Variants in RIMS1 observed in about 807,000 individuals in gnomAD.
RIMS1 encodes the protein regulating synaptic membrane exocytosis 1.
In RIMS1, 83 loss-of-function variants were observed where a neutral mutation model predicts 214.1. That is an observed-to-expected ratio of 0.39 (90% CI 0.32 to 0.47). The LOEUF (loss-of-function observed/expected upper bound fraction) is 0.47. Ranked by LOEUF, RIMS1 falls within the 20% of genes least tolerant of loss-of-function variation. The pLI is 0.99. For missense variants in RIMS1, 2,050 were observed against 2,161.8 expected, an observed-to-expected ratio of 0.95 and a Z score of 1.03; for synonymous variants, 793 against 786.8, an observed-to-expected ratio of 1.01 and a Z score of -0.13.
chr6:72,282,593 CA>C (rs1485121828), intron 23 of RIMS1, among the ~76,000 whole-genome samples: 1 of 152,102 alleles, frequency 6.6e-6, no homozygotes, highest in Non-Finnish European at 1.5e-5. Context: ...TAGTATAGAA[CA>C]GAAACAGCTT....
chr6:71,959,519 A>G (rs767229996), intron 1 of RIMS1, among the ~76,000 whole-genome samples: 3 of 152,130 alleles, frequency 2.0e-5, no homozygotes, highest in Non-Finnish European at 2.9e-5. Flanking sequence ...TAGAAAACAG[A>G]AAACTCATAG....
chr6:72,323,485 T>A (rs1485283916), intron 28 of RIMS1, among the ~76,000 whole-genome samples: 12 of 151,616 alleles, frequency 7.9e-5, no homozygotes, highest in Admixed American at 7.9e-4. Flanking sequence ...TAATGACATA[T>A]GAGAAACAGT....
chr6:72,214,954 TCCG>T (rs1466792436), intron 6 of RIMS1, among the ~76,000 whole-genome samples: 1 of 152,156 alleles, frequency 6.6e-6, no homozygotes, highest in Non-Finnish European at 1.5e-5. Context: ...ACTCCTGACC[TCCG>T]GTGATCCACC....
intron 4 of RIMS1, among the ~76,000 whole-genome samples, chr6:72,143,242 A>C (rs1441014841): frequency 6.6e-6 from 1 of 152,172 alleles, no homozygotes; most frequent in Non-Finnish European, 1.5e-5. Context: ...ATATATACGT[A>C]GTTGTGGTTT....
At position 72,250,440 on chromosome 6, in the gene RIMS1, GTA is replaced by G; in HGVS notation, c.2354_2355del (p.Tyr785PhefsTer5). On this transcript the variant is annotated frameshift_variant, in exon 13 of 34. Transcript: ENST00000521978. LOFTEE classifies it high-confidence loss of function. The stretch of plus-strand genomic sequence containing the variant: ...GTCCTCGAAATCCCTATGTAAAAAT[GTA>G]TTTTCTTCCAGATAGAAGGTAGTGA... ...GRPRNPYVKM[Y>X]FLPDRSDKSK... The G allele has an allele frequency of 6.3e-7, 1 of 1,591,848 alleles. No homozygotes were observed. Among genetic ancestry groups the G allele is most frequent in the Non-Finnish European group, 8.6e-7 (1 of 1,165,706 alleles).
intron 1 of RIMS1, among the ~76,000 whole-genome samples, chr6:71,931,565 G>A (rs774189343): frequency 4.6e-5 from 7 of 151,562 alleles, no homozygotes; most frequent in East Asian, 3.9e-4. Flanking sequence ...GTGTCTGTTC[G>A]TGTCCTTTGC....
At chr6:72,132,025 T>C (rs1392884115) in intron 4 of RIMS1, among the ~76,000 whole-genome samples, 3 of 152,214 alleles carry the variant, frequency 2.0e-5, no homozygotes, top group Admixed American at 2.0e-4. Flanking sequence ...CCCTAAACAT[T>C]GTTGTTATCC....
intron 2 of RIMS1, among the ~76,000 whole-genome samples, chr6:71,976,957 A>G (rs1797303923): frequency 6.6e-6 from 1 of 152,172 alleles, no homozygotes; most frequent in Non-Finnish European, 1.5e-5. Flanking sequence ...TAGTTGGATA[A>G]AAGCTCTTGT....
At chr6:72,117,653 A>C (rs564987308) in intron 4 of RIMS1, among the ~76,000 whole-genome samples, 1 of 152,034 alleles carries the variant, frequency 6.6e-6, no homozygotes, top group Non-Finnish European at 1.5e-5. Flanking sequence ...CATGGAAATT[A>C]AATAATATAC....
chr6:72,265,979 G>C lies in RIMS1; in HGVS notation c.3328G>C (p.Asp1110His), dbSNP rs1448295990. 1 of 1,578,104 alleles carries C rather than the reference G, an allele frequency of 6.3e-7. No individual in the cohort carries two copies. The highest frequency in any genetic ancestry group is 8.6e-7 in the Non-Finnish European group (1 of 1,160,470). Residue 1110 changes from aspartate to histidine, a missense_variant, in exon 22 of 34, where the codon GAC becomes CAC. Around this residue, in one of 6 missense-constraint regions of RIMS1, gnomAD observed 889 missense variants for 885.5 expected, o/e 1.00. Transcript: ENST00000521978. ...CACTAGTGAACTGCAGCCCTTTCTT[G>C]ACAGGGCTAGGAGTGCTAGTACCAA... The part of the protein sequence containing the change: ...ILVSELQPFL[D>H]RARSASTNCL...
chr6:71,901,751 G>A (rs150118580), intron 1 of RIMS1, among the ~76,000 whole-genome samples: 9 of 152,172 alleles, frequency 5.9e-5, no homozygotes, highest in Admixed American at 2.0e-4. Context: ...TACTTACTAC[G>A]TGTGCATTTC....
At chr6:72,245,399 C>A (rs2068990196) in intron 10 of RIMS1, among the ~76,000 whole-genome samples, 1 of 152,028 alleles carries the variant, frequency 6.6e-6, no homozygotes, top group Non-Finnish European at 1.5e-5. Context: ...ATGTTCCCAT[C>A]CCTTTCACTT....
chr6:71,976,750 T>C (rs1418888567), intron 2 of RIMS1, among the ~76,000 whole-genome samples: 2 of 152,172 alleles, frequency 1.3e-5, no homozygotes, highest in African/African-American at 4.8e-5. Context: ...CTTTGATTCA[T>C]TTTGAGATAG....
At chr6:71,976,775 G>A (rs542099630) in intron 2 of RIMS1, among the ~76,000 whole-genome samples, 6 of 152,106 alleles carry the variant, frequency 3.9e-5, no homozygotes, top group African/African-American at 1.2e-4. Context: ...TATATATGAT[G>A]TATGTGTTTT....
intron 29 of RIMS1, among the ~76,000 whole-genome samples, chr6:72,376,665 A>G (rs1293622771): frequency 1.3e-5 from 2 of 151,866 alleles, no homozygotes; most frequent in East Asian, 3.9e-4. Flanking sequence ...AAGGATGACT[A>G]GAGCCCAGGA....
intron 1 of RIMS1, among the ~76,000 whole-genome samples, chr6:71,926,330 T>A (rs187926480): frequency 3.9e-5 from 6 of 152,366 alleles, no homozygotes; most frequent in African/African-American, 1.4e-4. Flanking sequence ...TAACTTTAGA[T>A]ATGAACTTTG....
chr6:71,946,488 G>A (rs1174592077), intron 1 of RIMS1, among the ~76,000 whole-genome samples: 2 of 152,148 alleles, frequency 1.3e-5, no homozygotes, highest in Non-Finnish European at 2.9e-5. Flanking sequence ...TGCATTTATG[G>A]TCAATTTGTC....
intron 5 of RIMS1, among the ~76,000 whole-genome samples, chr6:72,180,608 T>A (rs1053607057): frequency 6.6e-6 from 1 of 152,246 alleles, no homozygotes; most frequent in Non-Finnish European, 1.5e-5. Flanking sequence ...TTTACTTTGA[T>A]TGATTCATTC....
At chr6:71,995,397 A>C (rs1321355560) in intron 2 of RIMS1, among the ~76,000 whole-genome samples, 2 of 151,754 alleles carry the variant, frequency 1.3e-5, no homozygotes, top group Non-Finnish European at 2.9e-5. Context: ...TGCAGTATGA[A>C]CTGAGGCAAG....
Sources: gnomAD v4.1 joint callset for allele counts (sites outside exome capture counted in the v4.1 genomes callset) on GRCh38, gnomAD v4.1.1 for gene constraint, gnomAD v4.1.1 regional missense constraint, MANE v1.5 for transcripts, NCBI Gene and HGNC (gene_info 2026-07-23, HGNC 2026-07-21) for gene names.